N4BP3: variants seen among roughly 807,000 people sequenced by gnomAD.
N4BP3 encodes the protein NEDD4 binding protein 3.
Under a neutral mutation model 43.8 loss-of-function variants are expected in N4BP3, and 33 were observed. The ratio of observed to expected loss-of-function variants is 0.75; its 90% CI spans 0.57 to 1.01. The LOEUF (loss-of-function observed/expected upper bound fraction) is 1.01. Among genes scored for constraint, N4BP3 ranks in the 50% least tolerant of loss-of-function variants. N4BP3 has a pLI of 0.00. For missense variants in N4BP3, 756 were observed against 744.2 expected (o/e 1.02, Z -0.18); for synonymous variants, 326 against 321.9 (o/e 1.01, Z -0.14).
intron 1 of N4BP3, among the ~76,000 whole-genome samples, chr5:178,115,004 A>G (rs1334139573): frequency 2.0e-5 from 3 of 152,190 alleles, no homozygotes; most frequent in Non-Finnish European, 4.4e-5. Flanking sequence ...TGAGGTAGAA[A>G]GGACCTTGCC....
intron 1 of N4BP3, among the ~76,000 whole-genome samples, chr5:178,116,264 G>C (rs1757769479): frequency 6.6e-6 from 1 of 152,172 alleles, no homozygotes; most frequent in South Asian, 2.1e-4. Context: ...TGTATGTGTT[G>C]GGGGAGGGGG....
At position 178,119,831 on chromosome 5, in the gene N4BP3, A is replaced by T; in HGVS notation, c.248A>T (p.Tyr83Phe). 6.2e-7 allele frequency: 1 copy of T among 1,613,242 alleles called. No homozygotes were observed. Among genetic ancestry groups the T allele is most frequent in the Non-Finnish European group, 8.5e-7 (1 of 1,179,988 alleles). ...GCCCCTCGGAACGAGCCTGCCGACT[A>T]TGCCACCCTCTACTACCGGGAACAT... ...KRAPRNEPAD[Y>F]ATLYYREHSR... is the part of the protein sequence containing the mutation. Residue 83 changes from tyrosine (Y) to phenylalanine (F), a missense_variant, in exon 2 of 5, where the codon TAT becomes TTT. Physicochemically the swap from Tyr to Phe is conservative, Grantham distance 22. Transcript: ENST00000274605.
chr5:178,121,058 G>C (rs766583967), intron 3 of N4BP3, 40 bp from the exon 4 acceptor site: 3 of 1,582,210 alleles, frequency 1.9e-6, no homozygotes, highest in Admixed American at 1.7e-5. Flanking sequence ...TCGCCTCTAG[G>C]GGGCAGGGCC....
Position 178,120,277 on chromosome 5 carries a change from C to T in N4BP3, c.430C>T (p.Arg144Cys), listed in dbSNP as rs535658994. The T allele has an allele frequency of 8.7e-6, 14 of 1,610,622 alleles. No individual in the cohort carries two copies. The highest frequency in any genetic ancestry group is 3.3e-4 in the Middle Eastern group (2 of 6,028). Residue 144 changes from arginine to cysteine, a missense_variant, in exon 3 of 5, where the codon CGC becomes TGC. Arg to Cys is a radical substitution (Grantham distance 180). Transcript: ENST00000274605. ...LASHKGQKLW[R>C]SNGSLHTLAC... ...GTCCCACAAAGGCCAGAAGCTGTGGCGCAGCAATGGCAGCCTGCACACGCT... is the reference window on the plus strand; with the variant it reads ...GTCCCACAAAGGCCAGAAGCTGTGGTGCAGCAATGGCAGCCTGCACACGCT...
chr5:178,120,170 C>T lies in N4BP3; in HGVS notation c.331-8C>T. The T allele has an allele frequency of 1.3e-6, 2 of 1,554,688 alleles. No homozygotes were observed. The highest frequency in any genetic ancestry group is 2.4e-5 in the South Asian group (2 of 82,770). ...ACACCTGCCCTCTCTGCCCTCTCTT[C>T]CTGGCAGTGCCGCATTCGCCCCTCA... On this transcript the variant is annotated splice_region_variant and splice_polypyrimidine_tract_variant and intron_variant, in intron 2 of 4. Transcript: ENST00000274605.
At position 178,121,347 on chromosome 5, in the gene N4BP3, T is replaced by C; in HGVS notation, c.1102T>C (p.Trp368Arg). 6.2e-7 allele frequency: 1 copy of C among 1,601,350 alleles called. No individual in the cohort carries two copies. Among genetic ancestry groups the C allele is most frequent in the Non-Finnish European group, 8.5e-7 (1 of 1,172,404 alleles). The part of the protein sequence containing the change: ...PSARPEEEAR[W>R]EVCQKTAEIS... ...TGCACGACCAGAGGAGGAAGCCCGA[T>C]GGGAGGTGAGAGATGACACAGGGCT... The change falls in exon 4 of 5, where the codon TGG becomes CGG. Residue 368 changes from tryptophan (W) to arginine (R), a missense_variant. Coordinates refer to ENST00000274605, the MANE Select transcript of N4BP3 (RefSeq NM_015111.2).
rs756274234 is a variant in N4BP3, at chr5:178,121,487, C to G, written c.1121C>G (p.Thr374Arg). The G allele has an allele frequency of 2.5e-6, 4 of 1,613,960 alleles. No homozygotes were observed. The highest frequency in any genetic ancestry group is 3.4e-6 in the Non-Finnish European group (4 of 1,180,010). The change falls in exon 5 of 5, where the codon ACA (threonine) becomes AGA (arginine). Residue 374 changes from threonine to arginine, a missense_variant. Thr to Arg is a moderately conservative substitution (Grantham distance 71). Coordinates refer to ENST00000274605, the MANE Select transcript of N4BP3 (RefSeq NM_015111.2). The part of the protein sequence containing the change: ...EEARWEVCQK[T>R]AEISLLKQQL... Reference sequence around the variant, plus strand: ...CCCATCCCCCAGGTGTGCCAGAAGACAGCAGAGATTAGCCTCTTGAAGCAG... The same window carrying G: ...CCCATCCCCCAGGTGTGCCAGAAGAGAGCAGAGATTAGCCTCTTGAAGCAG...
In N4BP3 at chr5:178,119,657, C is replaced by T. The variant is rs1037732606; in HGVS notation, c.74C>T (p.Ser25Phe). Residue 25 changes from serine (S) to phenylalanine (F), a missense_variant, in exon 2 of 5, where the codon TCC becomes TTC. Coordinates refer to ENST00000274605, the MANE Select transcript of N4BP3 (RefSeq NM_015111.2). ...VGSLLERQDF[S>F]PEELRAALAG... The stretch of plus-strand genomic sequence containing the variant: ...AGCCTGTTGGAACGGCAGGACTTCT[C>T]CCCTGAAGAGCTGCGGGCGGCACTT... 1.9e-6 allele frequency: 3 copies of T among 1,604,152 alleles called. No homozygotes were observed. Among genetic ancestry groups the T allele is most frequent in the Admixed American group, 3.4e-5 (2 of 59,164 alleles).
downstream of N4BP3, among the ~76,000 whole-genome samples, chr5:178,126,253 A>G (rs1429374522): frequency 7.0e-6 from 1 of 142,568 alleles, no homozygotes; most frequent in Non-Finnish European, 1.5e-5. Flanking sequence ...ACCTCAGCTC[A>G]CTGCAACCTC....
chr5:178,122,647 T>C lies in N4BP3; in HGVS notation c.*646T>C, dbSNP rs1438355281. On this transcript the variant is annotated 3_prime_UTR_variant, in exon 5 of 5. Transcript: ENST00000274605. ...TCCTTTCTTTAGCACCAGTGGAGTT[T>C]TCAGAAGGAACAACACCAGGGAATG... is the stretch of plus-strand genomic sequence containing the variant. 6.6e-6 allele frequency: 1 copy of C among 152,148 alleles called. No individual in the cohort carries two copies. Among genetic ancestry groups the C allele is most frequent in the East Asian group, 1.9e-4 (1 of 5,156 alleles). 9.4% of individuals were successfully genotyped at this position (152,148 alleles called of 1,614,324 possible). A position where few individuals can be genotyped will look rare whatever the true frequency, so the allele number is the denominator to read the frequency against.
In N4BP3 at chr5:178,119,686, G is replaced by A. The variant is rs530201685; in HGVS notation, c.103G>A (p.Gly35Arg). The A allele has an allele frequency of 4.2e-5, 67 of 1,611,640 alleles. No individual in the cohort carries two copies. Among genetic ancestry groups the A allele is most frequent in the African/African-American group, 1.3e-4 (10 of 75,024 alleles). The part of the protein sequence containing the change: ...SPEELRAALA[G>R]SRGSRQPDGL... ...TGAAGAGCTGCGGGCGGCACTTGCCGGGTCTCGGGGCTCCCGCCAGCCTGA... is the reference window on the plus strand; with the variant it reads ...TGAAGAGCTGCGGGCGGCACTTGCCAGGTCTCGGGGCTCCCGCCAGCCTGA... The change falls in exon 2 of 5, where the codon GGG (glycine) becomes AGG (arginine). Residue 35 changes from glycine to arginine, a missense_variant. Transcript: ENST00000274605.
rs916317609 is a variant in N4BP3, at chr5:178,116,672, G to A, written c.-30-2882G>A. On this transcript the variant is annotated intron_variant, in intron 1 of 4. Coordinates refer to ENST00000274605, the MANE Select transcript of N4BP3 (RefSeq NM_015111.2). ...ACATGTGGCACACCGTGGCGTGTGTGGTTGTATGCGCTGTTGCGGCCGGTG... is the reference window on the plus strand; with the variant it reads ...ACATGTGGCACACCGTGGCGTGTGTAGTTGTATGCGCTGTTGCGGCCGGTG... Among the ~76,000 whole-genome samples the A allele has an allele frequency of 2.0e-5, 3 of 152,320 alleles. No homozygotes were observed. The East Asian group carries it at 5.8e-4, about 29-fold the overall frequency.
chr5:178,119,184 T>G (rs1397452081), intron 1 of N4BP3, among the ~76,000 whole-genome samples: 1 of 152,222 alleles, frequency 6.6e-6, no homozygotes, highest in Non-Finnish European at 1.5e-5. Flanking sequence ...TCCTTAGCCC[T>G]GTGCGGGCCC....
rs943026821 is a variant in N4BP3 at position 178,120,545 on chromosome 5, G to A, written c.698G>A (p.Gly233Glu). 1.2e-6 allele frequency: 2 copies of A among 1,612,948 alleles called. No homozygotes were observed. Among genetic ancestry groups the A allele is most frequent in the African/African-American group, 2.7e-5 (2 of 74,932 alleles). Reference protein sequence around the residue: ...DRASQGPKEAGPPAVLSCLPE... With the variant: ...DRASQGPKEAEPPAVLSCLPE... ...GCCTCTCAAGGACCCAAGGAGGCTG[G>A]GCCACCAGCTGTGCTGAGCTGCCTG... is the stretch of plus-strand genomic sequence containing the variant. The change falls in exon 3 of 5, where the codon GGG becomes GAG. Residue 233 changes from glycine to glutamate, a missense_variant. By Grantham distance (98) the Gly-to-Glu change is moderately conservative. Transcript: ENST00000274605.
chr5:178,114,332 C>T (rs1463601198), intron 1 of N4BP3, among the ~76,000 whole-genome samples: 1 of 152,186 alleles, frequency 6.6e-6, no homozygotes, highest in African/African-American at 2.4e-5. Flanking sequence ...TGAGATCTCT[C>T]GCTTCCTCCC....
At chr5:178,116,084 G>A (rs920146955) in intron 1 of N4BP3, among the ~76,000 whole-genome samples, 2 of 152,188 alleles carry the variant, frequency 1.3e-5, no homozygotes, top group Middle Eastern at 3.2e-3. Flanking sequence ...TCCACGACCC[G>A]TGCAGGGTCC....
In N4BP3 at chr5:178,121,937, A is replaced by AACTGCGGGC. The variant is rs776044361; in HGVS notation, c.1580_1588dup (p.Ala527_Arg529dup). 7 of 1,612,006 alleles carry AACTGCGGGC rather than the reference A, an allele frequency of 4.3e-6. No individual in the cohort carries two copies. The African/African-American group carries it at 8.0e-5, about 18-fold the overall frequency. On this transcript the variant is annotated inframe_insertion, in exon 5 of 5. Transcript: ENST00000274605. ...CGCCGCAACCAGGCACTGGAGCAGG[A>AACTGCGGGC]ACTGCGGGCACTGCGGGAGCCCCCC... is the stretch of plus-strand genomic sequence containing the variant.
At chr5:178,126,517 C>T (rs115955178), downstream of N4BP3, among the ~76,000 whole-genome samples, 1,890 of 152,274 alleles carry the variant, frequency 0.012, 36 homozygotes, top group African/African-American at 0.043. Flanking sequence ...AAAATCCTAT[C>T]CTAGGAAATT....
chr5:178,121,804 C>G lies in N4BP3; in HGVS notation c.1438C>G (p.Gln480Glu). 6.2e-7 allele frequency: 1 copy of G among 1,608,988 alleles called. No homozygotes were observed. Among genetic ancestry groups the G allele is most frequent in the Non-Finnish European group, 8.5e-7 (1 of 1,179,280 alleles). Residue 480 changes from glutamine to glutamate, a missense_variant, in exon 5 of 5, where the codon CAG becomes GAG. By Grantham distance (29) the Gln-to-Glu change is conservative (BLOSUM62 2). Coordinates refer to ENST00000274605, the MANE Select transcript of N4BP3 (RefSeq NM_015111.2). ...GCTGCTGCAGGAGCGACTTCGGGGC[C>G]AGGAGCAGGCGCTGCGCTTTGAGCA... ...AELLQERLRG[Q>E]EQALRFEQER...
Sources: allele counts gnomAD v4.1 joint callset (sites outside exome capture counted in the v4.1 genomes callset), GRCh38; gene constraint gnomAD v4.1.1; transcripts MANE v1.5; gene names NCBI Gene and HGNC (gene_info 2026-07-23, HGNC 2026-07-21).